Variants in CFAP54 observed in about 807,000 individuals in gnomAD.
The protein encoded by CFAP54 is cilia and flagella associated protein 54.
A neutral mutation model predicts 370.4 loss-of-function variants in CFAP54; 290 were observed. The ratio of observed to expected loss-of-function variants is 0.78; its 90% confidence interval spans 0.71 to 0.86. The LOEUF is 0.86. Ranked by LOEUF, CFAP54 falls within the 40% of genes least tolerant of loss-of-function variation. The pLI is 0.00. For missense variants in CFAP54, 3,399 were observed against 3,528.7 expected, an observed-to-expected ratio of 0.96 and a Z score of 0.93; for synonymous variants, 1,206 against 1,236.5, an observed-to-expected ratio of 0.98 and a Z score of 0.52.
intron 26 of CFAP54, among the ~76,000 whole-genome samples, chr12:96,614,882 C>A (rs563499338): frequency 6.6e-6 from 1 of 152,288 alleles, no homozygotes; most frequent in African/African-American, 2.4e-5. Context: ...AATGGAAGAA[C>A]ATTCCATGCT....
intron 64 of CFAP54, among the ~76,000 whole-genome samples, chr12:96,812,677 C>T (rs1958939408): frequency 1.3e-5 from 2 of 152,182 alleles, no homozygotes; most frequent in South Asian, 2.1e-4. Flanking sequence ...TCACTAACGC[C>T]TTTTCCATCA....
intron 46 of CFAP54, among the ~76,000 whole-genome samples, chr12:96,700,533 T>C (rs958076763): frequency 6.6e-6 from 1 of 152,224 alleles, no homozygotes; most frequent in African/African-American, 2.4e-5. Flanking sequence ...TTCAAATTTC[T>C]TCTGATTTCT....
chr12:96,698,305 C>A (rs10745767), intron 45 of CFAP54, among the ~76,000 whole-genome samples: 132,540 of 152,214 alleles, frequency 0.87, 58,082 homozygotes, highest in African/African-American at 0.96. Context: ...TAAAATATAT[C>A]GCTATAAATT....
At chr12:96,679,524 A>G in intron 39 of CFAP54, 76 bp from the exon 40 acceptor site, 2 of 1,458,666 alleles carry the variant, frequency 1.4e-6, no homozygotes, top group South Asian at 3.0e-5. Context: ...AATTCTCTGA[A>G]TTATAAACTT....
rs559224254 is a variant in CFAP54, at chr12:96,600,108, C to T, written c.3639+1341C>T. Among the ~76,000 whole-genome samples the T allele has an allele frequency of 1.5e-3, 224 of 152,186 alleles. 1 individual carries two copies. The highest frequency in any genetic ancestry group is 5.0e-3 in the African/African-American group (209 of 41,528). On this transcript the variant is annotated intron_variant, in intron 26 of 67. Coordinates refer to ENST00000524981, the MANE Select transcript of CFAP54 (RefSeq NM_001306084.2). ...TGTCCTGAATGGTATTGCCAGTTTTCTTCTAGGGTTTTTATGGTTTCAGGT... is the reference window on the plus strand; with the variant it reads ...TGTCCTGAATGGTATTGCCAGTTTTTTTCTAGGGTTTTTATGGTTTCAGGT...
intron 8 of CFAP54, among the ~76,000 whole-genome samples, chr12:96,523,660 T>G (rs1955344251): frequency 6.6e-6 from 1 of 151,964 alleles, no homozygotes. Context: ...TAAGTAGTGA[T>G]GCTATAGTCT....
intron 66 of CFAP54, among the ~76,000 whole-genome samples, chr12:96,846,233 C>T (rs533073551): frequency 7.9e-4 from 121 of 152,318 alleles, no homozygotes; most frequent in Middle Eastern, 3.4e-3. Flanking sequence ...GTAGCCATTT[C>T]TCTTAAATAC....
chr12:96,712,350 T>C (rs1302715262), intron 48 of CFAP54, among the ~76,000 whole-genome samples: 2 of 152,176 alleles, frequency 1.3e-5, no homozygotes, highest in African/African-American at 4.8e-5. Context: ...TATAATAAAT[T>C]CTCATATGTA....
At chr12:96,871,684 G>C (rs1028821032) in intron 67 of CFAP54, among the ~76,000 whole-genome samples, 1 of 152,074 alleles carries the variant, frequency 6.6e-6, no homozygotes, top group African/African-American at 2.4e-5. Flanking sequence ...TAAAGAGATG[G>C]GGGATATCAG....
At chr12:96,575,909 C>T (rs1217314242) in intron 19 of CFAP54, among the ~76,000 whole-genome samples, 1 of 151,866 alleles carries the variant, frequency 6.6e-6, no homozygotes, top group East Asian at 1.9e-4. Context: ...AGAGTCTTTG[C>T]CTTTTAATTT....
rs371334823 is a variant in CFAP54 at position 96,622,339 on chromosome 12, CCTCTCTCTCTCT to C, written c.3771+629_3771+640del. Among the ~76,000 whole-genome samples the C allele has an allele frequency of 2.2e-5, 3 of 137,330 alleles. No individual in the cohort carries two copies. In the Admixed American group the frequency reaches 2.2e-4, roughly 10 times the overall value. 90.1% of individuals were successfully genotyped at this position (137,330 alleles called of 152,430 possible). A position where few individuals can be genotyped will look rare whatever the true frequency, so the allele number is the denominator to read the frequency against. ...CCTGCCTGCCCGCCCGCCCTCCCTCCCTCTCTCTCTCTCTCTCTCTCTTTCTTTCTTGACACA... is the reference window on the plus strand; with the variant it reads ...CCTGCCTGCCCGCCCGCCCTCCCTCCCTCTCTCTCTTTCTTTCTTGACACA... On this transcript the variant is annotated intron_variant, in intron 27 of 67. Transcript: ENST00000524981.
chr12:96,860,439 C>T (rs2136462874), intron 66 of CFAP54, among the ~76,000 whole-genome samples: 1 of 152,312 alleles, frequency 6.6e-6, no homozygotes. Context: ...CCAAACATAG[C>T]TTCCTGGTGC....
At chr12:96,814,390 C>T (rs1376708967) in intron 64 of CFAP54, among the ~76,000 whole-genome samples, 5 of 152,066 alleles carry the variant, frequency 3.3e-5, no homozygotes, top group African/African-American at 1.2e-4. Context: ...TAGAAGGAAC[C>T]TCAGGGTCAG....
In CFAP54 at chr12:96,685,047, G is replaced by A. The variant is rs1409821356; in HGVS notation, c.5823G>A (p.Trp1941Ter). The A allele has an allele frequency of 6.2e-7, 1 of 1,614,020 alleles. No homozygotes were observed. The highest frequency in any genetic ancestry group is 8.5e-7 in the Non-Finnish European group (1 of 1,179,988). The change falls in exon 42 of 68, where the codon TGG becomes TGA. Residue 1941 changes from tryptophan to a stop codon, truncating the protein, a stop_gained. Coordinates refer to ENST00000524981, the MANE Select transcript of CFAP54 (RefSeq NM_001306084.2). LOFTEE classifies it high-confidence loss of function. ...GTTTTAGGGCTGCTTTTAAGTGTTG[G>A]TGTCAAGCTCTTGATGACATATTCA... ...AEKKRAAFKC[W>*]CQALDDIFRK...
At chr12:96,753,938 G>A (rs376303427) in intron 56 of CFAP54, 40 bp downstream of exon 56, 2 of 1,581,990 alleles carry the variant, frequency 1.3e-6, no homozygotes, top group African/African-American at 2.7e-5. Flanking sequence ...TAAAATTTAT[G>A]GAATTCTTTT....
In CFAP54 at chr12:96,621,703, A is replaced by G. The variant is rs1331674629; in HGVS notation, c.3753A>G (p.Gln1251=). Residue 1251 remains glutamine (Q), a synonymous_variant, in exon 27 of 68, where the codon CAA becomes CAG. Transcript: ENST00000524981. ...CKSLFDGSNE[Q]EEMPEEDSSK... ...CTCTGTTTGATGGTAGTAATGAACA[A>G]GAAGAAATGCCAGAGGAGGTAATTG... The G allele has an allele frequency of 6.6e-7, 1 of 1,524,470 alleles. No individual in the cohort carries two copies. The highest frequency in any genetic ancestry group is 8.8e-7 in the Non-Finnish European group (1 of 1,141,176). 94.4% of individuals were successfully genotyped at this position (1,524,470 alleles called of 1,614,324 possible).
chr12:96,705,921 G>A (rs1374472738), intron 47 of CFAP54, among the ~76,000 whole-genome samples: 1 of 144,822 alleles, frequency 6.9e-6, no homozygotes, highest in Non-Finnish European at 1.5e-5. Context: ...GAAGTTTCAT[G>A]CTTCAAGCTC....
chr12:96,751,213 A>G (rs192479631), intron 55 of CFAP54, among the ~76,000 whole-genome samples: 1 of 152,306 alleles, frequency 6.6e-6, no homozygotes, highest in East Asian at 1.9e-4. Context: ...TCTTATGTTT[A>G]TTCAATCAGC....
chr12:96,602,915 G>T (rs1956259860), intron 26 of CFAP54, among the ~76,000 whole-genome samples: 1 of 152,110 alleles, frequency 6.6e-6, no homozygotes, highest in South Asian at 2.1e-4. Flanking sequence ...TATCCAATTT[G>T]CCAGTCTGTG....
Sources: allele counts gnomAD v4.1 joint callset (sites outside exome capture counted in the v4.1 genomes callset), GRCh38; gene constraint gnomAD v4.1.1; transcripts MANE v1.5; gene names NCBI Gene and HGNC (gene_info 2026-07-23, HGNC 2026-07-21).